The following UGGT2 variants were observed in gnomAD, a reference collection of about 807,000 sequenced individuals.
UGGT2 encodes the protein UDP-glucose glycoprotein glucosyltransferase 2, also known as UDP-glucose:glycoprotein glucosyltransferase 2.
A neutral mutation model predicts 192.1 loss-of-function variants in UGGT2; 180 were observed. That is an observed-to-expected ratio of 0.94 (90% CI 0.83 to 1.06). The LOEUF (loss-of-function observed/expected upper bound fraction) is 1.06. Ranked by LOEUF, UGGT2 falls within the 50% of genes least tolerant of loss-of-function variation. The probability of loss-of-function intolerance (pLI) is 0.00; values close to 1 mark genes in which losing one functional copy is unlikely to be tolerated. For synonymous variants in UGGT2, 580 were observed against 591.0 expected (o/e 0.98, Z 0.27); for missense variants, 1,849 against 1,795.7 (o/e 1.03, Z -0.54).
intron 38 of UGGT2, among the ~76,000 whole-genome samples, chr13:95,829,918 G>A (rs565090988): frequency 2.7e-4 from 41 of 152,230 alleles, no homozygotes; most frequent in Non-Finnish European, 5.7e-4. Flanking sequence ...CATGGTACTG[G>A]TACCAAAACA....
chr13:95,974,422 G>A (rs1439525747), intron 10 of UGGT2, among the ~76,000 whole-genome samples: 1 of 152,134 alleles, frequency 6.6e-6, no homozygotes, highest in African/African-American at 2.4e-5. Context: ...TCAATTGTAA[G>A]TACAAAGTAC....
chr13:95,886,818 G>GTATC (rs1290611971), intron 26 of UGGT2, among the ~76,000 whole-genome samples: 5 of 152,144 alleles, frequency 3.3e-5, no homozygotes, highest in African/African-American at 4.8e-5. Context: ...CAAGGCAGGT[G>GTATC]TATCTCTTGA....
At chr13:96,045,301 ACT>A (rs2053276965) in intron 1 of UGGT2, among the ~76,000 whole-genome samples, 1 of 152,128 alleles carries the variant, frequency 6.6e-6, no homozygotes, top group Non-Finnish European at 1.5e-5. Context: ...TATGATTAAA[ACT>A]CTCAACAAAA....
chr13:95,875,705 G>A (rs1413279536), intron 29 of UGGT2, among the ~76,000 whole-genome samples: 2 of 152,042 alleles, frequency 1.3e-5, no homozygotes, highest in Non-Finnish European at 2.9e-5. Flanking sequence ...TGTCAATGCT[G>A]ACTTCCTCCT....
chr13:96,048,766 C>G (rs904634292), intron 1 of UGGT2, among the ~76,000 whole-genome samples: 4 of 152,152 alleles, frequency 2.6e-5, no homozygotes, highest in Admixed American at 6.5e-5. Context: ...TACACATACA[C>G]CCTCCCAAGA....
intron 1 of UGGT2, among the ~76,000 whole-genome samples, chr13:96,046,792 T>C (rs544650571): frequency 6.6e-6 from 1 of 152,170 alleles, no homozygotes; most frequent in South Asian, 2.1e-4. Context: ...TTTCCAACGG[T>C]CTTAGCAAAC....
intron 20 of UGGT2, among the ~76,000 whole-genome samples, chr13:95,918,144 C>T (rs940693816): frequency 5.3e-5 from 8 of 152,298 alleles, no homozygotes; most frequent in Middle Eastern, 3.4e-3. Context: ...GGAAGTAAAA[C>T]GTTCCTCAGC....
intron 38 of UGGT2, among the ~76,000 whole-genome samples, chr13:95,807,221 G>A (rs1331489747): frequency 6.6e-6 from 1 of 152,132 alleles, no homozygotes; most frequent in African/African-American, 2.4e-5. Flanking sequence ...TATTCATTAA[G>A]TGCAAGTGGG....
chr13:95,945,962 A>C (rs183006852), intron 15 of UGGT2, among the ~76,000 whole-genome samples: 320 of 152,304 alleles, frequency 2.1e-3, no homozygotes, highest in Non-Finnish European at 3.7e-3. Context: ...AGTTGGAAGA[A>C]GAGTCATTCC....
intron 12 of UGGT2, among the ~76,000 whole-genome samples, chr13:95,958,043 A>G (rs2050265024): frequency 1.3e-5 from 2 of 152,240 alleles, no homozygotes. Context: ...AGAAAACACA[A>G]ATGATAACTA....
intron 10 of UGGT2, among the ~76,000 whole-genome samples, chr13:95,981,592 G>A (rs1446516117): frequency 6.6e-6 from 1 of 152,066 alleles, no homozygotes; most frequent in Non-Finnish European, 1.5e-5. Flanking sequence ...TTGACCTGGT[G>A]TAAATAAACT....
intron 38 of UGGT2, among the ~76,000 whole-genome samples, chr13:95,808,084 T>A (rs1884408953): frequency 1.3e-5 from 2 of 152,080 alleles, no homozygotes; most frequent in South Asian, 4.1e-4. Context: ...GAGTTCTGGG[T>A]GGCCAGAGAG....
intron 11 of UGGT2, among the ~76,000 whole-genome samples, chr13:95,971,679 C>G (rs147855501): frequency 6.6e-6 from 1 of 152,116 alleles, no homozygotes; most frequent in East Asian, 1.9e-4. Flanking sequence ...AATTTACAGG[C>G]TAGCATTTAC....
chr13:96,012,741 CATGT>C (rs1005217311), intron 5 of UGGT2, among the ~76,000 whole-genome samples: 2 of 51,032 alleles, frequency 3.9e-5, no homozygotes, highest in African/African-American at 1.2e-4. Flanking sequence ...TATTCATACG[CATGT>C]GTGTGTGTGT....
intron 20 of UGGT2, among the ~76,000 whole-genome samples, chr13:95,915,904 T>TGA (rs1594317791): frequency 6.6e-6 from 1 of 152,200 alleles, no homozygotes; most frequent in Non-Finnish European, 1.5e-5. Flanking sequence ...GATCTCTTCC[T>TGA]GAGACAGAGT....
At position 95,833,645 on chromosome 13, in the gene UGGT2, A is replaced by C. The variant is rs376677963; in HGVS notation, c.4402-592T>G. 3.9e-5 allele frequency among the ~76,000 whole-genome samples: 6 copies of C among 152,186 alleles called. No homozygotes were observed. In the East Asian group the frequency reaches 7.7e-4, roughly 20 times the overall value. ...TTAAAGTTAAAAGCAAAAATTATAG[A>C]AGGTTGATAAGAGTCTGACACACTA... is the stretch of plus-strand genomic sequence containing the variant. On this transcript the variant is annotated intron_variant, in intron 37 of 38. Coordinates refer to ENST00000376747, the MANE Select transcript of UGGT2 (RefSeq NM_020121.4).
In UGGT2 at chr13:95,927,061, T is replaced by A; in HGVS notation, c.2167A>T (p.Ile723Phe). 1 of 1,610,870 alleles carries A rather than the reference T, an allele frequency of 6.2e-7. No homozygotes were observed. Among genetic ancestry groups the A allele is most frequent in the Non-Finnish European group, 8.5e-7 (1 of 1,179,068 alleles). Reference sequence around the variant, plus strand: ...GTTAAATAATACATGTTCTTTGCAATTACAGCACTCTTATCTTGTGAATCC... The same window carrying A: ...GTTAAATAATACATGTTCTTTGCAAATACAGCACTCTTATCTTGTGAATCC... Reference protein sequence around the residue: ...FLDSQDKSAVIAKNMYYLTQD... With the variant: ...FLDSQDKSAVFAKNMYYLTQD... The change falls in exon 19 of 39, where the codon ATT (isoleucine) becomes TTT (phenylalanine). Residue 723 changes from isoleucine to phenylalanine, a missense_variant. Coordinates refer to ENST00000376747, the MANE Select transcript of UGGT2 (RefSeq NM_020121.4).
chr13:95,915,296 G>A (rs2048646345), intron 20 of UGGT2, among the ~76,000 whole-genome samples: 2 of 152,024 alleles, frequency 1.3e-5, no homozygotes, highest in South Asian at 4.1e-4. Flanking sequence ...CTGACTCTCT[G>A]CTCCTGATTT....
intron 7 of UGGT2, chr13:95,990,701 C>T (rs1196036420): frequency 6.6e-6 from 1 of 152,122 alleles, no homozygotes; most frequent in Non-Finnish European, 1.5e-5. Flanking sequence ...AAAAAAGTTA[C>T]TATCAGCACA....
Sources: gnomAD v4.1 joint callset for allele counts (sites outside exome capture counted in the v4.1 genomes callset) on GRCh38, gnomAD v4.1.1 for gene constraint, MANE v1.5 for transcripts, NCBI Gene and HGNC (gene_info 2026-07-23, HGNC 2026-07-21) for gene names.